Variants in JMY observed in about 807,000 individuals in gnomAD.
JMY encodes junction mediating and regulatory protein, p53 cofactor, also known as junction-mediating and -regulatory protein.
A neutral mutation model predicts 103.3 loss-of-function variants in JMY; 46 were observed. The observed-to-expected ratio is 0.45, with a 90% CI of 0.35 to 0.57. The LOEUF (loss-of-function observed/expected upper bound fraction) is 0.57. JMY is among the 20% of genes least tolerant of loss of function. The pLI is 0.00. For missense variants in JMY, 1,238 were observed against 1,255.2 expected (o/e 0.99, Z 0.21); for synonymous variants, 526 against 489.3 (o/e 1.07, Z -0.99).
intron 2 of JMY, chr5:79,285,008 G>A: frequency 1.2e-6 from 1 of 838,006 alleles, no homozygotes; most frequent in Non-Finnish European, 1.9e-6. Flanking sequence ...TTTAAATCCA[G>A]TGTCTTTAAT....
At position 79,303,455 on chromosome 5, in the gene JMY, T is replaced by G. The variant is rs139809269; in HGVS notation, c.1881+2592T>G. Among the ~76,000 whole-genome samples the G allele has an allele frequency of 1.2e-4, 19 of 152,150 alleles. No individual in the cohort carries two copies. The East Asian group carries it at 3.3e-3, about 26-fold the overall frequency. On this transcript the variant is annotated intron_variant, in intron 6 of 10. Transcript: ENST00000396137. The stretch of plus-strand genomic sequence containing the variant: ...GGTGGAGCAGGATAGATACATAGTT[T>G]GAGGAAGAAAAACCTTCATTGTATT...
At position 79,324,624 on chromosome 5, in the gene JMY, G is replaced by T. The variant is rs572049140; in HGVS notation, c.*3022G>T. ...GTATTTTTAATTATTTAAAATCATTGTGTATATTACAGCAGTATGAGGAAT... is the reference window on the plus strand; with the variant it reads ...GTATTTTTAATTATTTAAAATCATTTTGTATATTACAGCAGTATGAGGAAT... On this transcript the variant is annotated 3_prime_UTR_variant, in exon 11 of 11. Coordinates refer to ENST00000396137, the MANE Select transcript of JMY (RefSeq NM_152405.5). 1.3e-5 allele frequency: 2 copies of T among 152,282 alleles called. No individual in the cohort carries two copies. Among genetic ancestry groups the T allele is most frequent in the East Asian group, 3.9e-4 (2 of 5,184 alleles). 9.4% of individuals were successfully genotyped at this position (152,282 alleles called of 1,614,324 possible).
Position 79,291,298 on chromosome 5 carries a change from A to G in JMY, c.1526A>G (p.Glu509Gly). 6.5e-7 allele frequency: 1 copy of G among 1,543,206 alleles called. No individual in the cohort carries two copies. The highest frequency in any genetic ancestry group is 8.7e-7 in the Non-Finnish European group (1 of 1,147,150). ...CAGCGGAAACATGCACTAAAGGAAG[A>G]GGTAACAAAAATCATCAGAAATATA... ...LEQRKHALKE[E>G]MQSLRGGTEA... The change falls in exon 4 of 11, where the codon GAG (glutamate) becomes GGG (glycine). Residue 509 changes from glutamate (E) to glycine (G), a missense_variant and splice_region_variant. Physicochemically the swap from Glu to Gly is moderately conservative, Grantham distance 98. Coordinates refer to ENST00000396137, the MANE Select transcript of JMY (RefSeq NM_152405.5).
At chr5:79,289,495 G>A (rs1248187469) in intron 2 of JMY, among the ~76,000 whole-genome samples, 1 of 151,948 alleles carries the variant, frequency 6.6e-6, no homozygotes, top group Non-Finnish European at 1.5e-5. Context: ...GTTCTTGATT[G>A]TACCTTTCTT....
chr5:79,270,618 A>G lies in JMY; in HGVS notation c.1033-7292A>G, dbSNP rs1187631835. Among the ~76,000 whole-genome samples, 5 of 140,406 alleles carry G rather than the reference A, an allele frequency of 3.6e-5. No individual in the cohort carries two copies. In the East Asian group the frequency reaches 1.0e-3, roughly 29 times the overall value. 92.1% of individuals were successfully genotyped at this position (140,406 alleles called of 152,430 possible). A position where few individuals can be genotyped will look rare whatever the true frequency, so the allele number is the denominator to read the frequency against. On this transcript the variant is annotated intron_variant, in intron 1 of 10. Coordinates refer to ENST00000396137, the MANE Select transcript of JMY (RefSeq NM_152405.5). Reference sequence around the variant, plus strand: ...AAAATGTATATTTACATAAATGTTTATATAAAATATATTTACATAAATATT... The same window carrying G: ...AAAATGTATATTTACATAAATGTTTGTATAAAATATATTTACATAAATATT...
rs1046961678 is a variant in JMY, at chr5:79,237,443, GGC to G, written c.794_795del (p.Gly265AspfsTer50). 1.2e-6 allele frequency: 2 copies of G among 1,613,874 alleles called. No individual in the cohort carries two copies. Among genetic ancestry groups the G allele is most frequent in the Non-Finnish European group, 1.7e-6 (2 of 1,180,012 alleles). On this transcript the variant is annotated frameshift_variant, in exon 1 of 11. Transcript: ENST00000396137. LOFTEE classifies it high-confidence loss of function. ...CLPVFPEEPS[G>X]MWTVLFGGAP... Reference sequence around the variant, plus strand: ...GCCGGTGTTCCCCGAGGAACCTTCGGGCATGTGGACTGTGCTGTTTGGGGGCG... The same window carrying G: ...GCCGGTGTTCCCCGAGGAACCTTCGGATGTGGACTGTGCTGTTTGGGGGCG...
At position 79,290,160 on chromosome 5, in the gene JMY, G is replaced by C. The variant is rs1746379460; in HGVS notation, c.1246G>C (p.Glu416Gln). 1.3e-6 allele frequency: 2 copies of C among 1,596,514 alleles called. No homozygotes were observed. The highest frequency in any genetic ancestry group is 3.4e-5 in the Admixed American group (2 of 58,416). Residue 416 changes from glutamate to glutamine, a missense_variant, in exon 3 of 11, where the codon GAG becomes CAG. Coordinates refer to ENST00000396137, the MANE Select transcript of JMY (RefSeq NM_152405.5). ...TGATTATCTGGGACCTCGAAGAATT[G>C]AGAGTCTACAAAAAGAAGATGCTGA... The part of the protein sequence containing the change: ...ENDYLGPRRI[E>Q]SLQKEDADWQ...
In JMY at chr5:79,278,698, G is replaced by A; in HGVS notation, c.1206+615G>A. Among the ~76,000 whole-genome samples the A allele has an allele frequency of 1.3e-5, 2 of 151,146 alleles. 1 individual carries two copies. Among genetic ancestry groups the A allele is most frequent in the East Asian group, 3.9e-4 (2 of 5,168 alleles). On this transcript the variant is annotated intron_variant, in intron 2 of 10. Transcript: ENST00000396137. The stretch of plus-strand genomic sequence containing the variant: ...TAGGCGGAAGATTGCTTGAACCCAG[G>A]AGGTCATGGCTGCAATGAGCCATGA...
At chr5:79,241,573 T>C (rs1389734623) in intron 1 of JMY, among the ~76,000 whole-genome samples, 1 of 152,184 alleles carries the variant, frequency 6.6e-6, no homozygotes, top group Non-Finnish European at 1.5e-5. Context: ...AGAGGGGCTA[T>C]GGATGGATTT....
chr5:79,236,648 A>C lies in JMY; in HGVS notation c.-3A>C. 7.1e-7 allele frequency: 1 copy of C among 1,410,420 alleles called. No individual in the cohort carries two copies. The highest frequency in any genetic ancestry group is 9.4e-7 in the Non-Finnish European group (1 of 1,068,574). The allele number at this position is 1,410,420 out of a possible 1,614,324, so 87.4% of individuals were successfully genotyped here. On this transcript the variant is annotated 5_prime_UTR_variant, in exon 1 of 11. Coordinates refer to ENST00000396137, the MANE Select transcript of JMY (RefSeq NM_152405.5). ...TTCCCCGCGGCGAGAAGCCGGAGCCACCATGTCGTTCGCGCTGGAGGAGAC... is the reference window on the plus strand; with the variant it reads ...TTCCCCGCGGCGAGAAGCCGGAGCCCCCATGTCGTTCGCGCTGGAGGAGAC...
At position 79,321,886 on chromosome 5, in the gene JMY, T is replaced by G. The variant is rs1379899171; in HGVS notation, c.*284T>G. ...AGCACATTCTCCTTCCATCCACATATTTACATCCTTGTAATGGCCAGTTAA... is the reference window on the plus strand; with the variant it reads ...AGCACATTCTCCTTCCATCCACATAGTTACATCCTTGTAATGGCCAGTTAA... On this transcript the variant is annotated 3_prime_UTR_variant, in exon 11 of 11. Transcript: ENST00000396137. 6.6e-6 allele frequency: 1 copy of G among 152,222 alleles called. No individual in the cohort carries two copies. The highest frequency in any genetic ancestry group is 2.4e-5 in the African/African-American group (1 of 41,456). The allele number at this position is 152,222 out of a possible 1,614,324, so 9.4% of individuals were successfully genotyped here.
intron 10 of JMY, among the ~76,000 whole-genome samples, chr5:79,318,001 A>G (rs557746874): frequency 6.6e-6 from 1 of 152,274 alleles, no homozygotes; most frequent in South Asian, 2.1e-4. Context: ...GTAGAACAAC[A>G]AAGAAAAAAA....
chr5:79,277,823 T>C lies in JMY; in HGVS notation c.1033-87T>C, dbSNP rs991204643. 3 of 1,224,910 alleles carry C rather than the reference T, an allele frequency of 2.4e-6. No individual in the cohort carries two copies. The African/African-American group carries it at 4.5e-5, about 18-fold the overall frequency. 75.9% of individuals were successfully genotyped at this position (1,224,910 alleles called of 1,614,324 possible). ...GCTTCTGTGTTTTAGGGTTCCGAGG[T>C]CCTGGCATGATAGGGAGAGTTCAAA... On this transcript the variant is annotated intron_variant, in intron 1 of 10. Coordinates refer to ENST00000396137, the MANE Select transcript of JMY (RefSeq NM_152405.5).
intron 8 of JMY, among the ~76,000 whole-genome samples, chr5:79,313,605 G>GA (rs1747116391): frequency 6.6e-6 from 1 of 152,118 alleles, no homozygotes; most frequent in Non-Finnish European, 1.5e-5. Context: ...GTGTGCATTT[G>GA]AAAACATAGG....
intron 1 of JMY, among the ~76,000 whole-genome samples, chr5:79,271,752 T>C (rs949866615): frequency 6.6e-6 from 1 of 152,212 alleles, no homozygotes; most frequent in African/African-American, 2.4e-5. Context: ...TGAAGTTCCA[T>C]TATTAGGTAT....
chr5:79,316,010 C>T lies in JMY; in HGVS notation c.2670C>T (p.Pro890=). The change falls in exon 10 of 11, where the codon CCC becomes CCT. Residue 890 remains proline (P), a synonymous_variant. Transcript: ENST00000396137. The part of the protein sequence containing the change: ...EGLQRRRVSS[P]MDEVLASLKR... ...TTTCATTTTCCAAAGTGAGCTCACC[C>T]ATGGATGAGGTGCTAGCCTCCTTGA... The T allele has an allele frequency of 1.9e-6, 3 of 1,613,578 alleles. No individual in the cohort carries two copies. The African/African-American group carries it at 4.0e-5, about 22-fold the overall frequency.
intron 4 of JMY, among the ~76,000 whole-genome samples, chr5:79,293,615 A>C (rs549256016): frequency 6.6e-6 from 1 of 152,270 alleles, no homozygotes; most frequent in African/African-American, 2.4e-5. Context: ...CCCCTTTAAG[A>C]ATATGACAAC....
Position 79,324,628 on chromosome 5 carries a change from A to C in JMY, c.*3026A>C, listed in dbSNP as rs534637953. 1.6e-4 allele frequency: 24 copies of C among 152,332 alleles called. 1 individual carries two copies. The highest frequency in any genetic ancestry group is 5.0e-4 in the African/African-American group (21 of 41,586). 9.4% of individuals were successfully genotyped at this position (152,332 alleles called of 1,614,324 possible). On this transcript the variant is annotated 3_prime_UTR_variant, in exon 11 of 11. Coordinates refer to ENST00000396137, the MANE Select transcript of JMY (RefSeq NM_152405.5). ...TTTTAATTATTTAAAATCATTGTGT[A>C]TATTACAGCAGTATGAGGAATGCCT...
At chr5:79,300,441 T>G (rs1698233793) in intron 5 of JMY, 123 bp downstream of exon 5, 4 of 951,568 alleles carry the variant, frequency 4.2e-6, no homozygotes, top group South Asian at 1.9e-5. Flanking sequence ...GGATAGAGTG[T>G]GGGGGGGTGA....
Sources: allele counts gnomAD v4.1 joint callset (sites outside exome capture counted in the v4.1 genomes callset), GRCh38; gene constraint gnomAD v4.1.1; transcripts MANE v1.5; gene names NCBI Gene and HGNC (gene_info 2026-07-23, HGNC 2026-07-21).